The following NCAM1 variants were observed in gnomAD, a reference collection of about 807,000 sequenced individuals.
The protein encoded by NCAM1 is antigen recognized by monoclonal antibody 5.1H11.
NCAM1 carries 14 observed loss-of-function variants against 109.8 expected under a neutral mutation model. That is an observed-to-expected ratio of 0.13 (90% CI 0.08 to 0.20). The LOEUF is 0.20. Among genes scored for constraint, NCAM1 ranks in the 10% least tolerant of loss-of-function variants. The probability of loss-of-function intolerance (pLI) is 1.00; values close to 1 mark genes in which losing one functional copy is unlikely to be tolerated. For synonymous variants in NCAM1, 418 were observed against 442.9 expected (o/e 0.94, Z 0.70); for missense variants, 774 against 1,109.9 (o/e 0.70, Z 4.30).
chr11:113,026,247 C>G (rs1447055345), intron 1 of NCAM1, among the ~76,000 whole-genome samples: 1 of 152,136 alleles, frequency 6.6e-6, no homozygotes, highest in African/African-American at 2.4e-5. Flanking sequence ...TTCTCATTAC[C>G]CAACTAATGG....
chr11:113,126,763 C>G (rs1591349308), intron 1 of NCAM1, among the ~76,000 whole-genome samples: 1 of 152,222 alleles, frequency 6.6e-6, no homozygotes, highest in Non-Finnish European at 1.5e-5. Context: ...ACTGCAAACA[C>G]AATGCAAATT....
At chr11:113,057,186 G>T (rs1272941963) in intron 1 of NCAM1, among the ~76,000 whole-genome samples, 1 of 152,148 alleles carries the variant, frequency 6.6e-6, no homozygotes, top group Non-Finnish European at 1.5e-5. Context: ...CTTCCTAGCA[G>T]CAGAGACACT....
At chr11:113,099,654 G>A (rs1329549833) in intron 1 of NCAM1, among the ~76,000 whole-genome samples, 4 of 152,132 alleles carry the variant, frequency 2.6e-5, no homozygotes, top group Admixed American at 1.3e-4. Flanking sequence ...CTGCTTTTGC[G>A]AAGCTTGCTT....
chr11:113,153,531 T>C (rs1199316036), intron 1 of NCAM1, among the ~76,000 whole-genome samples: 2 of 152,156 alleles, frequency 1.3e-5, no homozygotes, highest in Non-Finnish European at 2.9e-5. Flanking sequence ...GTCATGATTC[T>C]GGCTTGGCTG....
intron 1 of NCAM1, among the ~76,000 whole-genome samples, chr11:113,148,853 C>T (rs977519226): frequency 2.0e-5 from 3 of 152,160 alleles, no homozygotes; most frequent in Non-Finnish European, 4.4e-5. Flanking sequence ...CGCTGCTTCT[C>T]TGCACAGCCA....
chr11:113,029,855 C>T (rs186034889), intron 1 of NCAM1, among the ~76,000 whole-genome samples: 24 of 152,250 alleles, frequency 1.6e-4, no homozygotes, highest in African/African-American at 5.5e-4. Context: ...CTTTGCCATT[C>T]TTATTAAGGA....
chr11:113,193,865 A>G (rs1943773052), intron 1 of NCAM1, among the ~76,000 whole-genome samples: 1 of 152,178 alleles, frequency 6.6e-6, no homozygotes, highest in Non-Finnish European at 1.5e-5. Context: ...GGATGCTGTG[A>G]CATGAAATTA....
intron 1 of NCAM1, among the ~76,000 whole-genome samples, chr11:113,093,060 G>C (rs1430389313): frequency 6.6e-6 from 1 of 152,168 alleles, no homozygotes. Flanking sequence ...AGCCTGGCTT[G>C]TCAGCGAGTG....
At chr11:113,128,701 G>A (rs564593085) in intron 1 of NCAM1, among the ~76,000 whole-genome samples, 2 of 152,012 alleles carry the variant, frequency 1.3e-5, no homozygotes, top group Non-Finnish European at 2.9e-5. Context: ...AATAGGCCTC[G>A]TATTTCTCAT....
At position 113,276,182 on chromosome 11, in the gene NCAM1, A is replaced by T. The variant is rs190740642; in HGVS notation, c.*795A>T. 1 of 152,598 alleles carries T rather than the reference A, an allele frequency of 6.6e-6. No individual in the cohort carries two copies. Among genetic ancestry groups the T allele is most frequent in the East Asian group, 1.9e-4 (1 of 5,190 alleles). The allele number at this position is 152,598 out of a possible 1,614,324, so 9.5% of individuals were successfully genotyped here. ...GTAAAATAGCTGCCTTTTATTTTTTAAGGTAACAAATACCACCTAGAGGTA... is the reference window on the plus strand; with the variant it reads ...GTAAAATAGCTGCCTTTTATTTTTTTAGGTAACAAATACCACCTAGAGGTA... On this transcript the variant is annotated 3_prime_UTR_variant, in exon 20 of 20. Coordinates refer to ENST00000316851, the MANE Select transcript of NCAM1 (RefSeq NM_181351.5).
At chr11:112,996,365 T>C (rs575983272) in intron 1 of NCAM1, among the ~76,000 whole-genome samples, 1 of 152,362 alleles carries the variant, frequency 6.6e-6, no homozygotes, top group African/African-American at 2.4e-5. Flanking sequence ...GGTATGACTT[T>C]GTATAGCAGA....
chr11:113,123,525 A>C (rs1426986321), intron 1 of NCAM1, among the ~76,000 whole-genome samples: 4 of 152,028 alleles, frequency 2.6e-5, no homozygotes, highest in African/African-American at 9.7e-5. Flanking sequence ...GGTGGGGCGG[A>C]GATAGTGTCT....
chr11:113,123,766 G>A (rs1042565009), intron 1 of NCAM1, among the ~76,000 whole-genome samples: 11 of 152,262 alleles, frequency 7.2e-5, no homozygotes, highest in African/African-American at 7.2e-5. Context: ...CCTCAGCTCC[G>A]CTCCTGGTGG....
intron 1 of NCAM1, among the ~76,000 whole-genome samples, chr11:113,114,391 A>T (rs1220915191): frequency 6.6e-6 from 1 of 152,160 alleles, no homozygotes. Context: ...GCTCTAGAAG[A>T]TGTTGCTCCT....
At chr11:113,237,957 G>GATAT (rs782552148) in intron 14 of NCAM1, among the ~76,000 whole-genome samples, 175 of 139,886 alleles carry the variant, frequency 1.3e-3, no homozygotes, top group Middle Eastern at 3.8e-3. Flanking sequence ...TAGATATATA[G>GATAT]ATAGATAGAT....
intron 1 of NCAM1, among the ~76,000 whole-genome samples, chr11:112,998,800 T>C (rs1951666885): frequency 6.6e-6 from 1 of 152,218 alleles, no homozygotes; most frequent in African/African-American, 2.4e-5. Context: ...ATCTCTTTTT[T>C]ACTTTCTCAT....
chr11:113,085,523 T>C (rs1555088153), intron 1 of NCAM1, among the ~76,000 whole-genome samples: 1 of 152,218 alleles, frequency 6.6e-6, no homozygotes, highest in Admixed American at 6.5e-5. Context: ...ATTTTTTCTT[T>C]CTCCTCTTGT....
At chr11:113,251,696 C>G (rs1440887326) in intron 15 of NCAM1, among the ~76,000 whole-genome samples, 2 of 152,174 alleles carry the variant, frequency 1.3e-5, no homozygotes, top group African/African-American at 2.4e-5. Context: ...CTTCTGGGAG[C>G]AACCTGCCGA....
At chr11:113,075,985 A>C (rs1214099357) in intron 1 of NCAM1, among the ~76,000 whole-genome samples, 3 of 152,210 alleles carry the variant, frequency 2.0e-5, no homozygotes, top group African/African-American at 7.2e-5. Context: ...AAAAAAAAAG[A>C]ATTTCAGATA....
Sources: gnomAD v4.1 joint callset for allele counts (sites outside exome capture counted in the v4.1 genomes callset) on GRCh38, gnomAD v4.1.1 for gene constraint, MANE v1.5 for transcripts, NCBI Gene and HGNC (gene_info 2026-07-23, HGNC 2026-07-21) for gene names.